Variants in ALG8 observed in about 807,000 individuals in gnomAD.
ALG8 encodes dolichyl pyrophosphate Glc1Man9GlcNAc2 alpha-1,3-glucosyltransferase.
In ALG8, 48 loss-of-function variants were observed where a neutral mutation model predicts 70.2. The observed-to-expected ratio is 0.68, with a 90% CI of 0.54 to 0.87. ALG8 has a LOEUF of 0.87. ALG8 is among the 40% of genes least tolerant of loss of function. The pLI is 0.00. For missense variants in ALG8, 572 were observed against 608.7 expected, an observed-to-expected ratio of 0.94 and a Z score of 0.64; for synonymous variants, 234 against 229.0, an observed-to-expected ratio of 1.02 and a Z score of -0.20.
chr11:78,136,694 T>C (rs1296419477), intron 1 of ALG8, among the ~76,000 whole-genome samples: 1 of 152,200 alleles, frequency 6.6e-6, no homozygotes, highest in East Asian at 1.9e-4. Context: ...CATTGGATTT[T>C]TAGAATAGTA....
intron 1 of ALG8, among the ~76,000 whole-genome samples, chr11:78,134,139 G>GTT (rs762274757): frequency 7.1e-5 from 10 of 139,966 alleles, no homozygotes; most frequent in East Asian, 2.1e-4. Context: ...TGGCAAACTG[G>GTT]TTTTTTTTTT....
rs1860803663 is a variant in ALG8, at chr11:78,121,128, C to T, written c.415G>A (p.Glu139Lys). 6.2e-7 allele frequency: 1 copy of T among 1,613,792 alleles called. No homozygotes were observed. The part of the protein sequence containing the change: ...DGKKVGKELT[E>K]KPKFILSVLL... ...ACCGACAGAATAAATTTTGGCTTTT[C>T]TGTAAGTTCTTTACCCACTTTTTTT... is the stretch of plus-strand genomic sequence containing the variant. Residue 139 changes from glutamate (E) to lysine (K), a missense_variant, in exon 4 of 13, where the codon GAA (glutamate) becomes AAA (lysine). Coordinates refer to ENST00000299626, the MANE Select transcript of ALG8 (RefSeq NM_024079.5).
intron 5 of ALG8, among the ~76,000 whole-genome samples, chr11:78,115,406 G>A (rs1220119430): frequency 2.0e-5 from 3 of 151,400 alleles, no homozygotes; most frequent in Admixed American, 1.3e-4. Flanking sequence ...TTTTTGAGAC[G>A]GAGTTTTGTT....
At chr11:78,128,714 G>C (rs184721188) in intron 1 of ALG8, among the ~76,000 whole-genome samples, 3 of 150,116 alleles carry the variant, frequency 2.0e-5, no homozygotes, top group African/African-American at 4.9e-5. Flanking sequence ...AGGTTCAAAC[G>C]ACTCCCCTGC....
intron 1 of ALG8, 80 bp from the exon 2 acceptor site, chr11:78,127,516 T>C: frequency 8.3e-7 from 1 of 1,210,694 alleles, no homozygotes. Context: ...TGCTTTTAAA[T>C]GGACTGACAT....
rs1409288234 is a variant in ALG8 at position 78,124,055 on chromosome 11, A to G, written c.334T>C (p.Phe112Leu). 1.2e-6 allele frequency: 2 copies of G among 1,614,192 alleles called. No individual in the cohort carries two copies. Among genetic ancestry groups the G allele is most frequent in the Non-Finnish European group, 1.7e-6 (2 of 1,180,036 alleles). Residue 112 changes from phenylalanine (F) to leucine (L), a missense_variant, in exon 3 of 13, where the codon TTT (phenylalanine) becomes CTT (leucine). Transcript: ENST00000299626. ...TLLFQRFSVI[F>L]MDVLFVYAVR... ...GCATACACAAAGAGTACATCCATAA[A>G]GATGACGGAAAATCTCTGGAAAAGT...
chr11:78,134,482 A>C (rs1042177494), intron 1 of ALG8, among the ~76,000 whole-genome samples: 2 of 152,228 alleles, frequency 1.3e-5, no homozygotes, highest in African/African-American at 2.4e-5. Context: ...GAAGCTTGCC[A>C]CATTGATGGG....
intron 1 of ALG8, 108 bp from the exon 2 acceptor site, chr11:78,127,544 C>T (rs1861132448): frequency 1.1e-6 from 1 of 927,006 alleles, no homozygotes; most frequent in Non-Finnish European, 1.7e-6. Context: ...GCTGTCACAG[C>T]TCACTGTCCT....
chr11:78,107,218 T>A (rs1328455522), intron 9 of ALG8, among the ~76,000 whole-genome samples: 1 of 138,380 alleles, frequency 7.2e-6, no homozygotes, highest in Admixed American at 7.0e-5. Context: ...TATATATATA[T>A]ATATAATTTT....
At chr11:78,123,883 A>C (rs1337530579) in intron 3 of ALG8, 138 bp downstream of exon 3, 9 of 975,916 alleles carry the variant, frequency 9.2e-6, no homozygotes, top group Non-Finnish European at 1.4e-5. Flanking sequence ...AGTTTAAAGC[A>C]CAATACAATT....
chr11:78,105,314 T>C (rs1395478882), intron 10 of ALG8, among the ~76,000 whole-genome samples: 1 of 152,220 alleles, frequency 6.6e-6, no homozygotes, highest in Non-Finnish European at 1.5e-5. Context: ...GAGGCTATTA[T>C]TACCATTTAT....
chr11:78,110,256 C>T (rs572319684), intron 8 of ALG8, among the ~76,000 whole-genome samples: 1 of 152,246 alleles, frequency 6.6e-6, no homozygotes, highest in South Asian at 2.1e-4. Context: ...GCAATCTCAG[C>T]TCACTGCAGC....
At chr11:78,124,553 T>G (rs1304335635) in intron 2 of ALG8, among the ~76,000 whole-genome samples, 1 of 152,226 alleles carries the variant, frequency 6.6e-6, no homozygotes, top group African/African-American at 2.4e-5. Flanking sequence ...CTAAAACCTG[T>G]CTTGTAAATT....
intron 1 of ALG8, chr11:78,139,272 T>TA: frequency 1.7e-6 from 1 of 583,724 alleles, no homozygotes; most frequent in Non-Finnish European, 3.1e-6. Context: ...TCAGAAACGT[T>TA]AAAGTGATTT....
chr11:78,109,490 G>A lies in ALG8; in HGVS notation c.990C>T (p.Pro330=), dbSNP rs373303136. The change falls in exon 9 of 13, where the codon CCC becomes CCT. Residue 330 remains proline (P), a synonymous_variant. Coordinates refer to ENST00000299626, the MANE Select transcript of ALG8 (RefSeq NM_024079.5). ...LVQQFQHTVL[P]SVTPLATLIC... ...TGAGGGTTGCCAAGGGAGTCACTGA[G>A]GGAAGGACTGTGTGTTGGAACTGCT... The A allele has an allele frequency of 8.1e-6, 13 of 1,614,048 alleles. No homozygotes were observed. The highest frequency in any genetic ancestry group is 1.1e-5 in the South Asian group (1 of 91,090).
At chr11:78,105,255 T>C (rs1013615291) in intron 10 of ALG8, among the ~76,000 whole-genome samples, 2 of 152,192 alleles carry the variant, frequency 1.3e-5, no homozygotes, top group Admixed American at 6.5e-5. Context: ...GCTTAATATA[T>C]GTTCAGAGCT....
At position 78,116,451 on chromosome 11, in the gene ALG8, G is replaced by T. The variant is rs192062873; in HGVS notation, c.547-2059C>A. On this transcript the variant is annotated intron_variant, in intron 5 of 12. Transcript: ENST00000299626. ...TAGTAAGAATTTGGCTGGGTGGGGT[G>T]GCTGACACCTGTAATCCCAGCACTT... Among the ~76,000 whole-genome samples the T allele has an allele frequency of 3.8e-3, 574 of 152,232 alleles. 2 individuals carry two copies. Among genetic ancestry groups the T allele is most frequent in the Non-Finnish European group, 6.0e-3 (409 of 68,022 alleles).
At chr11:78,136,080 G>A (rs1169337407) in intron 1 of ALG8, among the ~76,000 whole-genome samples, 1 of 152,046 alleles carries the variant, frequency 6.6e-6, no homozygotes, top group Non-Finnish European at 1.5e-5. Flanking sequence ...TGAGATGGGA[G>A]GATTGTTTGA....
chr11:78,124,443 T>C (rs1860974564), intron 2 of ALG8, among the ~76,000 whole-genome samples: 1 of 152,182 alleles, frequency 6.6e-6, no homozygotes, highest in South Asian at 2.1e-4. Flanking sequence ...TCTCTATTTT[T>C]AATTAAAAAC....
Sources: gnomAD v4.1 joint callset for allele counts (sites outside exome capture counted in the v4.1 genomes callset) on GRCh38, gnomAD v4.1.1 for gene constraint, MANE v1.5 for transcripts, NCBI Gene and HGNC (gene_info 2026-07-23, HGNC 2026-07-21) for gene names.